SCAPER: variants seen among roughly 807,000 people sequenced by gnomAD.
The protein encoded by SCAPER is S phase cyclin A-associated protein in the endoplasmic reticulum.
Under a neutral mutation model 182.2 loss-of-function variants are expected in SCAPER, and 98 were observed. The observed-to-expected ratio is 0.54, with a 90% CI of 0.46 to 0.64. The LOEUF (loss-of-function observed/expected upper bound fraction) is 0.64. Ranked by LOEUF, SCAPER falls within the 30% of genes least tolerant of loss-of-function variation. The pLI, the probability that SCAPER is intolerant of heterozygous loss-of-function variation, is 0.00. For missense variants in SCAPER, 1,432 were observed against 1,690.0 expected, an observed-to-expected ratio of 0.85 and a Z score of 2.68; for synonymous variants, 605 against 564.6, an observed-to-expected ratio of 1.07 and a Z score of -1.01.
chr15:76,860,110 G>A (rs1404732332), intron 3 of SCAPER, among the ~76,000 whole-genome samples: 2 of 152,158 alleles, frequency 1.3e-5, no homozygotes, highest in African/African-American at 4.8e-5. Flanking sequence ...ATCGGGTTAT[G>A]TACAGATGTT....
intron 25 of SCAPER, among the ~76,000 whole-genome samples, chr15:76,436,076 G>C (rs1217715931): frequency 6.6e-6 from 1 of 151,506 alleles, no homozygotes; most frequent in African/African-American, 2.4e-5. Flanking sequence ...GTTTTGTTTT[G>C]TTTTTTTTGG....
At chr15:76,431,306 A>G (rs1349261695) in intron 26 of SCAPER, among the ~76,000 whole-genome samples, 2 of 152,236 alleles carry the variant, frequency 1.3e-5, no homozygotes, top group Non-Finnish European at 2.9e-5. Context: ...ATCCTTCTAC[A>G]GTGTCTGGCA....
intron 17 of SCAPER, among the ~76,000 whole-genome samples, chr15:76,728,096 T>C (rs2060700447): frequency 6.6e-6 from 1 of 152,054 alleles, no homozygotes; most frequent in Non-Finnish European, 1.5e-5. Context: ...GACTTAGGCT[T>C]GGCCAATTAT....
At chr15:76,368,169 G>A (rs1317321434) in intron 29 of SCAPER, among the ~76,000 whole-genome samples, 5 of 152,194 alleles carry the variant, frequency 3.3e-5, no homozygotes, top group African/African-American at 7.2e-5. Flanking sequence ...GCCCACCACC[G>A]CAGCCTCCAT....
At chr15:76,784,651 G>A (rs895840811) in intron 8 of SCAPER, among the ~76,000 whole-genome samples, 7 of 152,218 alleles carry the variant, frequency 4.6e-5, no homozygotes, top group African/African-American at 1.7e-4. Context: ...CAAGGCTACA[G>A]TAACCAAAAC....
At chr15:76,800,494 A>T in intron 6 of SCAPER, 130 bp from the exon 7 acceptor site, 1 of 664,640 alleles carries the variant, frequency 1.5e-6, no homozygotes, top group South Asian at 1.7e-5. Context: ...AAGTCACAAC[A>T]TGTGCAAATG....
At chr15:76,819,374 C>T (rs2067341241) in intron 5 of SCAPER, among the ~76,000 whole-genome samples, 1 of 152,216 alleles carries the variant, frequency 6.6e-6, no homozygotes, top group Non-Finnish European at 1.5e-5. Flanking sequence ...GCTGGGTACT[C>T]CTCTGAGACA....
At chr15:76,754,188 C>G (rs563954109) in intron 14 of SCAPER, among the ~76,000 whole-genome samples, 1 of 152,062 alleles carries the variant, frequency 6.6e-6, no homozygotes, top group South Asian at 2.1e-4. Flanking sequence ...GTTTCCTTAC[C>G]TATAAACAGG....
At chr15:76,737,920 T>C (rs2061355480) in intron 15 of SCAPER, among the ~76,000 whole-genome samples, 1 of 152,220 alleles carries the variant, frequency 6.6e-6, no homozygotes, top group African/African-American at 2.4e-5. Flanking sequence ...GTCGGGATCT[T>C]ACTCTGGATT....
At chr15:76,815,841 C>A (rs1290490958) in intron 5 of SCAPER, among the ~76,000 whole-genome samples, 1 of 152,184 alleles carries the variant, frequency 6.6e-6, no homozygotes, top group Non-Finnish European at 1.5e-5. Context: ...GAAACATTGT[C>A]TTCCACAAAA....
intron 22 of SCAPER, among the ~76,000 whole-genome samples, chr15:76,621,370 A>T (rs2052033956): frequency 6.6e-6 from 1 of 152,316 alleles, no homozygotes; most frequent in Middle Eastern, 3.4e-3. Context: ...AACAATCCTT[A>T]AAGAGATCTC....
chr15:76,729,914 A>G (rs565171491), intron 16 of SCAPER, among the ~76,000 whole-genome samples: 1 of 152,154 alleles, frequency 6.6e-6, no homozygotes, highest in East Asian at 1.9e-4. Context: ...CCCATTCCCC[A>G]GATAGCACTC....
At chr15:76,488,714 CTTT>C (rs71143333) in intron 24 of SCAPER, among the ~76,000 whole-genome samples, 4,738 of 92,894 alleles carry the variant, frequency 0.051, 561 homozygotes, top group Middle Eastern at 0.082. Context: ...AGTACACTGC[CTTT>C]TTTTTTTTTT....
At chr15:76,808,955 T>A (rs1345954091) in intron 5 of SCAPER, among the ~76,000 whole-genome samples, 1 of 152,110 alleles carries the variant, frequency 6.6e-6, no homozygotes, top group Non-Finnish European at 1.5e-5. Flanking sequence ...CTGGAACACA[T>A]ATTTAATACC....
At chr15:76,488,778 TG>T (rs2051958684) in intron 24 of SCAPER, among the ~76,000 whole-genome samples, 1 of 131,802 alleles carries the variant, frequency 7.6e-6, no homozygotes, top group South Asian at 2.6e-4. Context: ...CAGGCTGGAG[TG>T]AAGTGGTGGG....
intron 9 of SCAPER, chr15:76,774,438 A>G: frequency 2.6e-6 from 1 of 380,520 alleles, no homozygotes; most frequent in Non-Finnish European, 5.0e-6. Flanking sequence ...GGGAAAACTA[A>G]AACACTTTAA....
intron 29 of SCAPER, among the ~76,000 whole-genome samples, chr15:76,358,391 T>G (rs2041156969): frequency 6.6e-6 from 1 of 152,238 alleles, no homozygotes; most frequent in Non-Finnish European, 1.5e-5. Flanking sequence ...CAAAACTATC[T>G]TAGTTGGCTT....
At chr15:76,631,585 TTTTC>T (rs2053114553) in intron 21 of SCAPER, among the ~76,000 whole-genome samples, 1 of 152,034 alleles carries the variant, frequency 6.6e-6, no homozygotes, top group African/African-American at 2.4e-5. Context: ...TTAGGTTGGA[TTTTC>T]TTTAAGAATG....
At chr15:76,734,776 G>A (rs1385873619) in intron 15 of SCAPER, among the ~76,000 whole-genome samples, 1 of 152,086 alleles carries the variant, frequency 6.6e-6, no homozygotes, top group East Asian at 1.9e-4. Context: ...AGGAGGCTGA[G>A]GCAGAGAACT....
Sources: allele counts gnomAD v4.1 joint callset (sites outside exome capture counted in the v4.1 genomes callset), GRCh38; gene constraint gnomAD v4.1.1; transcripts MANE v1.5; gene names NCBI Gene and HGNC (gene_info 2026-07-23, HGNC 2026-07-21).